Variants in TTLL11 observed in about 807,000 individuals in gnomAD.
The protein encoded by TTLL11 is tubulin tyrosine ligase like 11.
In TTLL11, 42 loss-of-function variants were observed where a neutral mutation model predicts 51.7. That is an observed-to-expected ratio of 0.81 (90% confidence interval 0.64 to 1.05). TTLL11 has a LOEUF of 1.05. Among genes scored for constraint, TTLL11 ranks in the 50% least tolerant of loss-of-function variants. The probability of loss-of-function intolerance (pLI) is 0.00; values close to 1 mark genes in which losing one functional copy is unlikely to be tolerated. For missense variants in TTLL11, 799 were observed against 940.4 expected (o/e 0.85, Z 1.97); for synonymous variants, 381 against 383.5 (o/e 0.99, Z 0.08).
intron 6 of TTLL11, among the ~76,000 whole-genome samples, chr9:121,972,411 A>G (rs898615876): frequency 3.3e-5 from 5 of 152,222 alleles, no homozygotes; most frequent in African/African-American, 1.2e-4. Flanking sequence ...TGGTGAACAC[A>G]TTATTTGGCT....
At chr9:122,031,402 C>T (rs907997860) in intron 3 of TTLL11, among the ~76,000 whole-genome samples, 1 of 152,198 alleles carries the variant, frequency 6.6e-6, no homozygotes, top group African/African-American at 2.4e-5. Flanking sequence ...GCGGCCCCAT[C>T]CTACTTGGGG....
In TTLL11 at chr9:121,957,325, G is replaced by A. The variant is rs545935199; in HGVS notation, c.1481+16684C>T. Among the ~76,000 whole-genome samples, 4 of 152,262 alleles carry A rather than the reference G, an allele frequency of 2.6e-5. No homozygotes were observed. In the East Asian group the frequency reaches 7.7e-4, roughly 29 times the overall value. On this transcript the variant is annotated intron_variant, in intron 6 of 8. Transcript: ENST00000321582. ...ATCCAAAAGGAAACTTGGTCAATCT[G>A]TCCCTACAGACTTGATCATTTGAGC... is the stretch of plus-strand genomic sequence containing the variant.
At chr9:121,958,051 G>A (rs887858308) in intron 6 of TTLL11, among the ~76,000 whole-genome samples, 1 of 152,232 alleles carries the variant, frequency 6.6e-6, no homozygotes, top group Non-Finnish European at 1.5e-5. Context: ...TGGAACGAGT[G>A]TCCCCAGAGA....
At position 122,093,025 on chromosome 9, in the gene TTLL11, G is replaced by A. The variant is rs2131954777; in HGVS notation, c.124C>T (p.Arg42Cys). The change falls in exon 1 of 9, where the codon CGC becomes TGC. Residue 42 changes from arginine to cysteine, a missense_variant. Arg to Cys is a radical substitution (Grantham distance 180, BLOSUM62 -3). Around this residue, in one of 3 missense-constraint regions of TTLL11, gnomAD observed 166 missense variants for 161.6 expected, o/e 1.03. Transcript: ENST00000321582. ...TCCCCGGCCGCGCCCGCGTCCACGCGGACCTGTTCCGCCACCGTCTCCGCT... is the reference window on the plus strand; with the variant it reads ...TCCCCGGCCGCGCCCGCGTCCACGCAGACCTGTTCCGCCACCGTCTCCGCT... ...ATAETVAEQVRVDAGAAGEPE... is the reference protein window; with the variant it reads ...ATAETVAEQVCVDAGAAGEPE... 2 of 1,530,090 alleles carry A rather than the reference G, an allele frequency of 1.3e-6. No individual in the cohort carries two copies. Among genetic ancestry groups the A allele is most frequent in the East Asian group, 2.6e-5 (1 of 39,214 alleles). 94.8% of individuals were successfully genotyped at this position (1,530,090 alleles called of 1,614,324 possible).
intron 1 of TTLL11, among the ~76,000 whole-genome samples, chr9:122,086,637 C>T (rs936681859): frequency 6.6e-6 from 1 of 152,208 alleles, no homozygotes; most frequent in Non-Finnish European, 1.5e-5. Flanking sequence ...AATTGCATCT[C>T]CCCTGTGGGC....
chr9:121,835,066 T>C (rs1053585085), intron 8 of TTLL11, among the ~76,000 whole-genome samples: 5 of 152,128 alleles, frequency 3.3e-5, no homozygotes, highest in African/African-American at 1.2e-4. Flanking sequence ...TTTGAACTGG[T>C]CACTTTCCCT....
At chr9:121,823,741 C>A (rs543756347) in intron 8 of TTLL11, among the ~76,000 whole-genome samples, 1 of 152,042 alleles carries the variant, frequency 6.6e-6, no homozygotes, top group Non-Finnish European at 1.5e-5. Context: ...TAAATTTTAC[C>A]CCCCAAAGTA....
intron 6 of TTLL11, among the ~76,000 whole-genome samples, chr9:121,933,522 A>G (rs1382831626): frequency 6.6e-6 from 1 of 152,164 alleles, no homozygotes; most frequent in Non-Finnish European, 1.5e-5. Flanking sequence ...AGTGGTGTTC[A>G]AAGGTTTTGG....
At chr9:121,974,798 A>C (rs1842658598) in intron 5 of TTLL11, 86 bp downstream of exon 5, 2 of 1,075,778 alleles carry the variant, frequency 1.9e-6, no homozygotes, top group Admixed American at 2.8e-5. Flanking sequence ...GAGAATGTCC[A>C]ATCTTGTTTT....
intron 6 of TTLL11, among the ~76,000 whole-genome samples, chr9:121,966,765 C>T (rs1263217693): frequency 6.6e-6 from 1 of 152,190 alleles, no homozygotes; most frequent in Non-Finnish European, 1.5e-5. Flanking sequence ...CAGTCTATCT[C>T]TTACTAGCTT....
At chr9:121,959,181 G>C (rs1842128754) in intron 6 of TTLL11, among the ~76,000 whole-genome samples, 1 of 152,162 alleles carries the variant, frequency 6.6e-6, no homozygotes, top group Admixed American at 6.5e-5. Flanking sequence ...GCACCAAAAA[G>C]AGGAGTGAGA....
intron 1 of TTLL11, among the ~76,000 whole-genome samples, chr9:122,040,094 C>T (rs1159666330): frequency 6.6e-6 from 1 of 152,096 alleles, no homozygotes; most frequent in Non-Finnish European, 1.5e-5. Flanking sequence ...TCTGCTGGCC[C>T]TTGAACTGGC....
chr9:121,851,212 T>C (rs1288205123), intron 8 of TTLL11, among the ~76,000 whole-genome samples: 8 of 152,204 alleles, frequency 5.3e-5, no homozygotes, highest in African/African-American at 1.9e-4. Context: ...CAGGGAATTT[T>C]TAGGGCAGTG....
intron 1 of TTLL11, among the ~76,000 whole-genome samples, chr9:122,056,738 G>A (rs1422131087): frequency 6.6e-6 from 1 of 152,216 alleles, no homozygotes; most frequent in Non-Finnish European, 1.5e-5. Flanking sequence ...CCCACTCAAA[G>A]CACTGCATCT....
chr9:121,984,641 G>A (rs1373432021), intron 4 of TTLL11, among the ~76,000 whole-genome samples: 2 of 152,096 alleles, frequency 1.3e-5, no homozygotes, highest in African/African-American at 4.8e-5. Flanking sequence ...GAAGGGTAAG[G>A]AGGAGGTCAA....
At chr9:121,916,114 T>C (rs1232465401) in intron 6 of TTLL11, among the ~76,000 whole-genome samples, 1 of 151,664 alleles carries the variant, frequency 6.6e-6, no homozygotes, top group Non-Finnish European at 1.5e-5. Context: ...GGATTAATTA[T>C]AAAAAGAATG....
chr9:121,872,335 C>T (rs1260806413), intron 6 of TTLL11, among the ~76,000 whole-genome samples: 1 of 152,228 alleles, frequency 6.6e-6, no homozygotes, highest in Admixed American at 6.5e-5. Flanking sequence ...TCCTTGTTTG[C>T]TTTGTCATGC....
intron 1 of TTLL11, among the ~76,000 whole-genome samples, chr9:122,052,810 GT>G (rs1281036561): frequency 1.3e-5 from 2 of 152,140 alleles, no homozygotes; most frequent in Admixed American, 6.5e-5. Flanking sequence ...CTTCCCTCGA[GT>G]TCAGGAACTT....
intron 3 of TTLL11, among the ~76,000 whole-genome samples, chr9:122,015,895 T>G (rs1483393381): frequency 6.6e-6 from 1 of 152,068 alleles, no homozygotes; most frequent in Non-Finnish European, 1.5e-5. Context: ...GAGTTCCTAC[T>G]GTGTGCCAGG....
Sources: allele counts gnomAD v4.1 joint callset (sites outside exome capture counted in the v4.1 genomes callset), GRCh38; gene constraint gnomAD v4.1.1; regional missense constraint gnomAD v4.1.1; transcripts MANE v1.5; gene names NCBI Gene and HGNC (gene_info 2026-07-23, HGNC 2026-07-21).